Variants in SATB2 observed in about 807,000 individuals in gnomAD.
The protein encoded by SATB2 is SATB homeobox 2.
SATB2 carries 1 observed loss-of-function variant against 73.4 expected under a neutral mutation model. That is an observed-to-expected ratio of 0.01 (90% CI 0.00 to 0.06). The LOEUF (loss-of-function observed/expected upper bound fraction) is 0.06, where lower values mean the gene tolerates loss of function less well. Among genes scored for constraint, SATB2 ranks in the 10% least tolerant of loss-of-function variants. The probability of loss-of-function intolerance (pLI) is 1.00; values close to 1 mark genes in which losing one functional copy is unlikely to be tolerated. For synonymous variants in SATB2, 397 were observed against 367.0 expected, an observed-to-expected ratio of 1.08 and a Z score of -0.93; for missense variants, 459 against 945.8, an observed-to-expected ratio of 0.49 and a Z score of 6.75.
chr2:199,411,187 G>A (rs576400381), intron 3 of SATB2, among the ~76,000 whole-genome samples: 53 of 151,450 alleles, frequency 3.5e-4, no homozygotes, highest in African/African-American at 1.2e-3. Context: ...CACCTGTGAC[G>A]GGTTCTTTCC....
chr2:199,285,034 C>G (rs574968675), intron 10 of SATB2, among the ~76,000 whole-genome samples: 2 of 152,178 alleles, frequency 1.3e-5, no homozygotes, highest in East Asian at 3.9e-4. Context: ...TGGAATCAAT[C>G]CCCCGTGGAT....
chr2:199,467,917 G>C (rs1692624378), upstream of SATB2, among the ~76,000 whole-genome samples: 1 of 152,076 alleles, frequency 6.6e-6, no homozygotes, highest in African/African-American at 2.4e-5. Context: ...ATTCTGGCCT[G>C]GGAAGCCAGA....
chr2:199,349,229 C>T (rs978117613), intron 6 of SATB2, 56 bp from the exon 7 acceptor site: 31 of 1,299,912 alleles, frequency 2.4e-5, no homozygotes, highest in South Asian at 1.0e-4. Flanking sequence ...CAATTTATTG[C>T]TAATATATGT....
At position 199,329,520 on chromosome 2, in the gene SATB2, C is replaced by T. The variant is rs934702323; in HGVS notation, c.1174-610G>A. Among the ~76,000 whole-genome samples the T allele has an allele frequency of 4.6e-5, 7 of 151,272 alleles. 1 individual carries two copies. The highest frequency in any genetic ancestry group is 1.7e-4 in the African/African-American group (7 of 41,152). ...TCTATACACACAATAGTTATCCTTA[C>T]ATATGTACAAAGGGCACCCAAATCT... On this transcript the variant is annotated intron_variant, in intron 7 of 10. Coordinates refer to ENST00000417098, the MANE Select transcript of SATB2 (RefSeq NM_001172509.2).
At chr2:199,451,612 T>C (rs1364521862) in intron 2 of SATB2, among the ~76,000 whole-genome samples, 2 of 152,136 alleles carry the variant, frequency 1.3e-5, no homozygotes, top group African/African-American at 2.4e-5. Context: ...TCTCAATATA[T>C]ACCTATCTAT....
intron 8 of SATB2, among the ~76,000 whole-genome samples, chr2:199,327,809 C>A (rs529734759): frequency 1.3e-5 from 2 of 152,264 alleles, no homozygotes; most frequent in Admixed American, 1.3e-4. Flanking sequence ...TTAAGGCCTA[C>A]CTTTCCACCA....
chr2:199,384,717 T>A (rs1002839818), intron 3 of SATB2, among the ~76,000 whole-genome samples: 2 of 152,134 alleles, frequency 1.3e-5, no homozygotes, highest in African/African-American at 4.8e-5. Context: ...TATGTAACCC[T>A]ACCAAGTTAC....
intron 10 of SATB2, among the ~76,000 whole-genome samples, chr2:199,297,869 G>T (rs1476460783): frequency 6.6e-6 from 1 of 151,494 alleles, no homozygotes; most frequent in African/African-American, 2.4e-5. Context: ...TCTACAGAAG[G>T]ATTTCATTCA....
chr2:199,443,885 C>T (rs1691891651), intron 2 of SATB2, among the ~76,000 whole-genome samples: 1 of 152,102 alleles, frequency 6.6e-6, no homozygotes. Flanking sequence ...TTCTCCAGTC[C>T]CCTTAGGGGA....
intron 7 of SATB2, among the ~76,000 whole-genome samples, chr2:199,340,884 CAG>C (rs1380090456): frequency 3.3e-5 from 5 of 152,126 alleles, no homozygotes; most frequent in African/African-American, 1.2e-4. Flanking sequence ...TGGAAGGTCT[CAG>C]AGGAGAAACA....
intron 10 of SATB2, among the ~76,000 whole-genome samples, chr2:199,290,344 G>A (rs755071466): frequency 1.4e-4 from 22 of 152,050 alleles, no homozygotes; most frequent in Non-Finnish European, 3.1e-4. Context: ...GGCTCCTTAA[G>A]GGTAGATTCT....
chr2:199,447,090 C>T lies in SATB2; in HGVS notation c.169+8779G>A, dbSNP rs143135766. On this transcript the variant is annotated intron_variant, in intron 2 of 10. Coordinates refer to ENST00000417098, the MANE Select transcript of SATB2 (RefSeq NM_001172509.2). ...TATCCCCACCCTAAGTCAAGGTTCC[C>T]GGGTGAACTCCACCGTCACCACCTA... is the stretch of plus-strand genomic sequence containing the variant. Among the ~76,000 whole-genome samples, 9 of 152,206 alleles carry T rather than the reference C, an allele frequency of 5.9e-5. No individual in the cohort carries two copies. The East Asian group carries it at 1.5e-3, about 26-fold the overall frequency.
chr2:199,426,269 TA>T (rs371538710), intron 3 of SATB2, among the ~76,000 whole-genome samples: 207 of 152,272 alleles, frequency 1.4e-3, no homozygotes, highest in African/African-American at 4.8e-3. Context: ...TAAACCATTT[TA>T]AAAGCTTTCT....
At chr2:199,437,740 A>C (rs1277850399) in intron 2 of SATB2, among the ~76,000 whole-genome samples, 1 of 152,218 alleles carries the variant, frequency 6.6e-6, no homozygotes, top group East Asian at 1.9e-4. Context: ...CTCTCAAACA[A>C]TGGAATCTAT....
intron 3 of SATB2, among the ~76,000 whole-genome samples, chr2:199,412,205 A>G (rs984946214): frequency 1.3e-5 from 2 of 152,226 alleles, no homozygotes; most frequent in African/African-American, 2.4e-5. Context: ...ACAGTGATGC[A>G]TACTTGGAAA....
In SATB2 at chr2:199,399,791, T is replaced by C. The variant is rs115893072; in HGVS notation, c.347-17971A>G. 4.8e-3 allele frequency among the ~76,000 whole-genome samples: 736 copies of C among 152,222 alleles called. 6 individuals carry two copies. The highest frequency in any genetic ancestry group is 0.016 in the African/African-American group (681 of 41,520). ...CGGTAACTCACTCACTCACTCACTATTGAGAGAACAGAAGTTGGAAATCCA... is the reference window on the plus strand; with the variant it reads ...CGGTAACTCACTCACTCACTCACTACTGAGAGAACAGAAGTTGGAAATCCA... On this transcript the variant is annotated intron_variant, in intron 3 of 10. Transcript: ENST00000417098.
chr2:199,295,854 C>T (rs759109305), intron 10 of SATB2, among the ~76,000 whole-genome samples: 2 of 152,152 alleles, frequency 1.3e-5, no homozygotes, highest in African/African-American at 4.8e-5. Flanking sequence ...TCAAACCTAT[C>T]TAGTTTGCTT....
chr2:199,470,674 C>T (rs1692686149), intron 1 of SATB2: 2 of 152,526 alleles, frequency 1.3e-5, no homozygotes, highest in South Asian at 4.1e-4. Flanking sequence ...TTTGGCTTCC[C>T]AGGTAATGCG....
At chr2:199,343,862 A>C (rs1300550203) in intron 7 of SATB2, among the ~76,000 whole-genome samples, 2 of 152,224 alleles carry the variant, frequency 1.3e-5, no homozygotes, top group Non-Finnish European at 2.9e-5. Context: ...GGAGGAAAAT[A>C]ATAAAATGTG....
Sources: gnomAD v4.1 joint callset for allele counts (sites outside exome capture counted in the v4.1 genomes callset) on GRCh38, gnomAD v4.1.1 for gene constraint, MANE v1.5 for transcripts, NCBI Gene and HGNC (gene_info 2026-07-23, HGNC 2026-07-21) for gene names.